Variants in NAV3 observed in about 807,000 individuals in gnomAD.
The protein encoded by NAV3 is pore membrane and/or filament interacting like protein 1.
A neutral mutation model predicts 244.7 loss-of-function variants in NAV3; 87 were observed. That is an observed-to-expected ratio of 0.36 (90% confidence interval 0.30 to 0.42). The LOEUF (loss-of-function observed/expected upper bound fraction) is 0.42, where lower values mean the gene tolerates loss of function less well. Ranked by LOEUF, NAV3 falls within the 20% of genes least tolerant of loss-of-function variation. The pLI is 1.00. For missense variants in NAV3, 2,663 were observed against 2,893.3 expected (o/e 0.92, Z 1.83); for synonymous variants, 1,126 against 1,042.2 (o/e 1.08, Z -1.55).
At chr12:78,191,517 A>C (rs879691180) in intron 34 of NAV3, among the ~76,000 whole-genome samples, 2 of 152,184 alleles carry the variant, frequency 1.3e-5, no homozygotes, top group Non-Finnish European at 2.9e-5. Context: ...ACAACGATGT[A>C]CATAAAGCAC....
At chr12:78,054,682 T>C (rs1336427262) in intron 11 of NAV3, among the ~76,000 whole-genome samples, 3 of 151,998 alleles carry the variant, frequency 2.0e-5, no homozygotes, top group Non-Finnish European at 4.4e-5. Flanking sequence ...AAAGGAAAAG[T>C]TTATAGAACC....
intron 2 of NAV3, 44 bp downstream of exon 2, chr12:77,940,480 C>T: frequency 6.7e-7 from 1 of 1,485,984 alleles, no homozygotes; most frequent in South Asian, 1.2e-5. Context: ...TCTCTGCTCC[C>T]ATCTCTTTGG....
intron 16 of NAV3, among the ~76,000 whole-genome samples, chr12:78,124,848 A>G (rs1261169523): frequency 2.0e-5 from 3 of 151,824 alleles, no homozygotes; most frequent in Non-Finnish European, 4.4e-5. Flanking sequence ...TTTTGGATAA[A>G]TATGTTTTGC....
intron 12 of NAV3, among the ~76,000 whole-genome samples, chr12:78,087,481 T>C (rs895114390): frequency 2.6e-5 from 4 of 151,972 alleles, no homozygotes; most frequent in Admixed American, 2.0e-4. Flanking sequence ...GAAATTGCAA[T>C]CTACAGCAAG....
chr12:78,076,848 C>G (rs1407601491), intron 12 of NAV3, among the ~76,000 whole-genome samples: 4 of 152,082 alleles, frequency 2.6e-5, no homozygotes, highest in Non-Finnish European at 4.4e-5. Flanking sequence ...TTAAGAAATT[C>G]AAGGCTTTCT....
chr12:77,697,551 A>G (rs967458610), intron 2 of NAV3, among the ~76,000 whole-genome samples: 13 of 152,226 alleles, frequency 8.5e-5, no homozygotes, highest in Admixed American at 2.0e-4. Flanking sequence ...ACTTCCAGAA[A>G]TATCTTTTTA....
chr12:77,805,798 G>C (rs1170571979), intron 2 of NAV3, among the ~76,000 whole-genome samples: 1 of 152,010 alleles, frequency 6.6e-6, no homozygotes, highest in Non-Finnish European at 1.5e-5. Context: ...TCTGGTCCTG[G>C]GGTTTTTTTG....
intron 3 of NAV3, among the ~76,000 whole-genome samples, chr12:77,948,219 CT>C (rs2137596758): frequency 6.6e-6 from 1 of 152,038 alleles, no homozygotes; most frequent in Non-Finnish European, 1.5e-5. Context: ...ACAAGAATGC[CT>C]TGTTGCATTA....
intron 2 of NAV3, among the ~76,000 whole-genome samples, chr12:77,637,248 C>T (rs1872199727): frequency 6.6e-6 from 1 of 151,792 alleles, no homozygotes; most frequent in East Asian, 1.9e-4. Flanking sequence ...TGGTCCACAG[C>T]AAAAAATTGA....
intron 21 of NAV3, 59 bp downstream of exon 21, chr12:78,146,451 A>G: frequency 1.3e-6 from 1 of 773,870 alleles, no homozygotes. Flanking sequence ...TTCATGATGA[A>G]ATTAGTCTTG....
In NAV3 at chr12:78,050,964, G is replaced by A. The variant is rs889768681; in HGVS notation, c.2333G>A (p.Arg778Lys). 3 of 1,614,130 alleles carry A rather than the reference G, an allele frequency of 1.9e-6. No individual in the cohort carries two copies. The highest frequency in any genetic ancestry group is 2.7e-5 in the African/African-American group (2 of 75,022). The change falls in exon 11 of 40, where the codon AGG becomes AAG. Residue 778 changes from arginine (R) to lysine (K), a missense_variant. Coordinates refer to ENST00000397909, the MANE Select transcript of NAV3 (RefSeq NM_001024383.2). Reference protein sequence around the residue: ...TSRFIHTDPSRFMYTTPLRRA... With the variant: ...TSRFIHTDPSKFMYTTPLRRA... The stretch of plus-strand genomic sequence containing the variant: ...CGATTCATCCACACAGACCCCTCGA[G>A]GTTCATGTATACCACGCCTCTCCGT...
intron 9 of NAV3, among the ~76,000 whole-genome samples, chr12:78,035,112 T>G (rs1879628192): frequency 6.6e-6 from 1 of 152,126 alleles, no homozygotes; most frequent in Non-Finnish European, 1.5e-5. Flanking sequence ...ACAAAGTAAG[T>G]GGTTATTATG....
chr12:77,859,745 A>G (rs531767472), intron 1 of NAV3, among the ~76,000 whole-genome samples: 1 of 90,652 alleles, frequency 1.1e-5, no homozygotes, highest in East Asian at 3.8e-4. Context: ...AGCATTTCCC[A>G]TGCTTTCAAA....
At chr12:78,196,420 G>A (rs1017580731) in intron 34 of NAV3, among the ~76,000 whole-genome samples, 4 of 151,924 alleles carry the variant, frequency 2.6e-5, no homozygotes, top group African/African-American at 9.7e-5. Flanking sequence ...CAAAATCATG[G>A]AATTGTTTTA....
intron 5 of NAV3, among the ~76,000 whole-genome samples, chr12:77,971,966 A>G (rs1043963404): frequency 3.9e-5 from 6 of 152,192 alleles, no homozygotes; most frequent in Admixed American, 1.3e-4. Flanking sequence ...ATTTTGAAAA[A>G]AACTCCAGAT....
At chr12:77,654,591 T>C (rs1456689068) in intron 2 of NAV3, among the ~76,000 whole-genome samples, 2 of 152,052 alleles carry the variant, frequency 1.3e-5, no homozygotes, top group Non-Finnish European at 2.9e-5. Context: ...CTGACAGCTT[T>C]GAGGAGAGCA....
At chr12:77,906,834 A>T (rs1478020389) in intron 1 of NAV3, among the ~76,000 whole-genome samples, 2 of 152,150 alleles carry the variant, frequency 1.3e-5, no homozygotes, top group African/African-American at 4.8e-5. Context: ...TAACATTTAT[A>T]TTGACCAGGA....
intron 1 of NAV3, among the ~76,000 whole-genome samples, chr12:77,856,374 A>G (rs947205167): frequency 6.6e-6 from 1 of 152,166 alleles, no homozygotes; most frequent in African/African-American, 2.4e-5. Context: ...CTTGCTCACA[A>G]ATTGTGCACA....
intron 12 of NAV3, among the ~76,000 whole-genome samples, chr12:78,102,284 C>T (rs1466217076): frequency 2.6e-5 from 4 of 152,132 alleles, no homozygotes; most frequent in Non-Finnish European, 4.4e-5. Flanking sequence ...CATGCAATTC[C>T]GAAATCCATC....
Sources: allele counts gnomAD v4.1 joint callset (sites outside exome capture counted in the v4.1 genomes callset), GRCh38; gene constraint gnomAD v4.1.1; transcripts MANE v1.5; gene names NCBI Gene and HGNC (gene_info 2026-07-23, HGNC 2026-07-21).